Variants in CA10 observed in about 807,000 individuals in gnomAD.
CA10 encodes carbonic anhydrase 10 (inactive).
In CA10, 14 loss-of-function variants were observed where a neutral mutation model predicts 44.2. The observed-to-expected ratio is 0.32, with a 90% confidence interval of 0.21 to 0.50. The LOEUF (loss-of-function observed/expected upper bound fraction) is 0.50, where lower values mean the gene tolerates loss of function less well. Ranked by LOEUF, CA10 falls within the 20% of genes least tolerant of loss-of-function variation. The pLI, the probability that CA10 is intolerant of heterozygous loss-of-function variation, is 0.99. For synonymous variants in CA10, 159 were observed against 141.6 expected, an observed-to-expected ratio of 1.12 and a Z score of -0.87; for missense variants, 350 against 409.7, an observed-to-expected ratio of 0.85 and a Z score of 1.26.
intron 7 of CA10, 28 bp downstream of exon 7, chr17:51,635,827 T>G: frequency 3.3e-6 from 5 of 1,514,500 alleles, no homozygotes; most frequent in Non-Finnish European, 4.5e-6. Flanking sequence ...TTCTTCTCCA[T>G]TAGCTAAATG....
At chr17:51,963,338 C>A (rs1250666762) in intron 2 of CA10, among the ~76,000 whole-genome samples, 1 of 152,134 alleles carries the variant, frequency 6.6e-6, no homozygotes, top group Non-Finnish European at 1.5e-5. Context: ...ACCTTGGAAA[C>A]ATATTTGAGG....
chr17:51,884,328 T>C (rs1415119052), intron 3 of CA10, among the ~76,000 whole-genome samples: 3 of 152,144 alleles, frequency 2.0e-5, no homozygotes. Context: ...TGTACTCAAA[T>C]TGAAAGCAAA....
intron 3 of CA10, among the ~76,000 whole-genome samples, chr17:51,756,880 C>A (rs1905095320): frequency 6.6e-6 from 1 of 152,106 alleles, no homozygotes; most frequent in Non-Finnish European, 1.5e-5. Flanking sequence ...TGTATCCAGA[C>A]CTGGTCTAGA....
chr17:51,973,451 T>C (rs1984353381), intron 2 of CA10, among the ~76,000 whole-genome samples: 1 of 152,194 alleles, frequency 6.6e-6, no homozygotes, highest in Non-Finnish European at 1.5e-5. Flanking sequence ...TAGTGAGTAT[T>C]ACAGTGTACA....
chr17:51,880,057 T>G (rs2143883752), intron 3 of CA10, among the ~76,000 whole-genome samples: 1 of 152,276 alleles, frequency 6.6e-6, no homozygotes, highest in East Asian at 1.9e-4. Context: ...CTCAACTATC[T>G]TCTTTATAGG....
chr17:51,852,667 T>G (rs1480141753), intron 3 of CA10, among the ~76,000 whole-genome samples: 1 of 152,244 alleles, frequency 6.6e-6, no homozygotes, highest in Non-Finnish European at 1.5e-5. Flanking sequence ...ATTCTAGGTC[T>G]GCCTCTTAAG....
At chr17:51,853,461 G>A (rs1978891660) in intron 3 of CA10, among the ~76,000 whole-genome samples, 1 of 152,224 alleles carries the variant, frequency 6.6e-6, no homozygotes, top group Admixed American at 6.5e-5. Context: ...ATTCCTTTAA[G>A]CAGATATGGC....
Position 51,954,460 on chromosome 17 carries a change from T to C in CA10, c.137-23328A>G, listed in dbSNP as rs193258326. 2.4e-3 allele frequency among the ~76,000 whole-genome samples: 371 copies of C among 152,256 alleles called. 1 individual carries two copies. The highest frequency in any genetic ancestry group is 8.7e-3 in the African/African-American group (363 of 41,566). ...ATGAAGACAGTTCATCTTTAGACTC[T>C]AGGGAGTCACGGAGTCACATAAGCT... is the stretch of plus-strand genomic sequence containing the variant. On this transcript the variant is annotated intron_variant, in intron 2 of 8. Coordinates refer to ENST00000451037, the MANE Select transcript of CA10 (RefSeq NM_020178.5).
At chr17:51,952,414 G>T (rs1983518604) in intron 2 of CA10, among the ~76,000 whole-genome samples, 1 of 152,100 alleles carries the variant, frequency 6.6e-6, no homozygotes, top group Admixed American at 6.6e-5. Flanking sequence ...GGATGTAACT[G>T]CACACTGGCT....
At chr17:51,911,382 G>A (rs1981784836) in intron 3 of CA10, among the ~76,000 whole-genome samples, 1 of 152,144 alleles carries the variant, frequency 6.6e-6, no homozygotes, top group Admixed American at 6.6e-5. Flanking sequence ...GTGAGAGAAT[G>A]CTCTTGGATA....
intron 3 of CA10, among the ~76,000 whole-genome samples, chr17:51,900,273 T>C (rs1300608941): frequency 6.6e-6 from 1 of 151,192 alleles, no homozygotes; most frequent in Non-Finnish European, 1.5e-5. Flanking sequence ...TTCTTATGTT[T>C]CCTTTGCTTA....
At chr17:51,757,637 T>G (rs1905111956) in intron 3 of CA10, among the ~76,000 whole-genome samples, 1 of 152,222 alleles carries the variant, frequency 6.6e-6, no homozygotes, top group Non-Finnish European at 1.5e-5. Flanking sequence ...CTATAATAAG[T>G]GTGTGTATAC....
chr17:51,899,799 C>T (rs1981231818), intron 3 of CA10, among the ~76,000 whole-genome samples: 1 of 151,764 alleles, frequency 6.6e-6, no homozygotes, highest in Non-Finnish European at 1.5e-5. Context: ...TTATATAATG[C>T]CCTTCTTTGT....
chr17:52,152,914 A>G (rs1008571656), intron 1 of CA10, among the ~76,000 whole-genome samples: 3 of 152,106 alleles, frequency 2.0e-5, no homozygotes, highest in Non-Finnish European at 2.9e-5. Flanking sequence ...CAAATTTATA[A>G]AGGTAATGAA....
chr17:51,739,166 T>C (rs187669279), intron 4 of CA10, among the ~76,000 whole-genome samples: 1 of 152,270 alleles, frequency 6.6e-6, no homozygotes, highest in Admixed American at 6.5e-5. Flanking sequence ...TCCCAACGAA[T>C]ATAGGTCATT....
chr17:51,965,297 C>A (rs550293204), intron 2 of CA10, among the ~76,000 whole-genome samples: 2 of 151,638 alleles, frequency 1.3e-5, no homozygotes, highest in Non-Finnish European at 3.0e-5. Context: ...AAATTCTACC[C>A]GACAAAGAAA....
chr17:51,656,639 C>A (rs1042596455), intron 4 of CA10, among the ~76,000 whole-genome samples: 2 of 152,042 alleles, frequency 1.3e-5, no homozygotes, highest in African/African-American at 4.8e-5. Flanking sequence ...TCTTTCTGAC[C>A]CCCAGTCAGA....
At chr17:52,100,750 T>G (rs767088923) in intron 1 of CA10, among the ~76,000 whole-genome samples, 4 of 152,134 alleles carry the variant, frequency 2.6e-5, no homozygotes, top group Admixed American at 1.3e-4. Flanking sequence ...CCAAGGAACA[T>G]CTCAAATATA....
chr17:52,115,265 A>G (rs895449232), intron 1 of CA10, among the ~76,000 whole-genome samples: 1 of 152,078 alleles, frequency 6.6e-6, no homozygotes, highest in African/African-American at 2.4e-5. Flanking sequence ...TCACCCTTCA[A>G]TGTGTCTGTG....
Sources: gnomAD v4.1 joint callset for allele counts (sites outside exome capture counted in the v4.1 genomes callset) on GRCh38, gnomAD v4.1.1 for gene constraint, MANE v1.5 for transcripts, NCBI Gene and HGNC (gene_info 2026-07-23, HGNC 2026-07-21) for gene names.